Variants in DPYD observed in about 807,000 individuals in gnomAD.
DPYD encodes dihydropyrimidine dehydrogenase [NADP(+)].
In DPYD, 109 loss-of-function variants were observed where a neutral mutation model predicts 116.2. That is an observed-to-expected ratio of 0.94 (90% CI 0.80 to 1.10). DPYD has a LOEUF of 1.10. Ranked by LOEUF, DPYD falls within the 50% of genes least tolerant of loss-of-function variation. DPYD has a pLI of 0.00. For synonymous variants in DPYD, 440 were observed against 432.0 expected (o/e 1.02, Z -0.23); for missense variants, 1,302 against 1,254.5 (o/e 1.04, Z -0.57).
chr1:97,893,169 A>G (rs1672860208), intron 1 of DPYD, among the ~76,000 whole-genome samples: 1 of 151,524 alleles, frequency 6.6e-6, no homozygotes, highest in Non-Finnish European at 1.5e-5. Context: ...CATGGGAATC[A>G]TATTTTTAAG....
At chr1:97,882,682 C>T (rs542659844) in intron 2 of DPYD, among the ~76,000 whole-genome samples, 2 of 152,124 alleles carry the variant, frequency 1.3e-5, no homozygotes, top group South Asian at 4.1e-4. Context: ...ATAATCACCT[C>T]CTATATACAG....
chr1:97,648,064 A>G (rs1240793019), intron 8 of DPYD, among the ~76,000 whole-genome samples: 1 of 152,072 alleles, frequency 6.6e-6, no homozygotes, highest in Non-Finnish European at 1.5e-5. Flanking sequence ...CCTTGTAGTC[A>G]TAATAAGCCT....
At chr1:97,762,009 GTGGA>G (rs905748014) in intron 3 of DPYD, among the ~76,000 whole-genome samples, 2 of 152,132 alleles carry the variant, frequency 1.3e-5, no homozygotes, top group African/African-American at 4.8e-5. Context: ...CCACTTGAGG[GTGGA>G]CAGTGGGAGG....
At chr1:97,419,331 A>G (rs1277985319) in intron 14 of DPYD, among the ~76,000 whole-genome samples, 2 of 152,028 alleles carry the variant, frequency 1.3e-5, no homozygotes, top group Non-Finnish European at 2.9e-5. Flanking sequence ...CAACTCCTAT[A>G]CCACTCAAAA....
intron 21 of DPYD, among the ~76,000 whole-genome samples, chr1:97,097,784 G>A (rs1650372341): frequency 6.6e-6 from 1 of 152,048 alleles, no homozygotes; most frequent in Admixed American, 6.6e-5. Context: ...ACTTGAATAG[G>A]ATTGGTAGAT....
intron 20 of DPYD, among the ~76,000 whole-genome samples, chr1:97,100,179 A>G (rs1650560894): frequency 1.3e-5 from 2 of 152,092 alleles, no homozygotes; most frequent in African/African-American, 4.8e-5. Flanking sequence ...TGCTAAAAGC[A>G]TAAAATAAAT....
chr1:97,920,660 G>A (rs1674464392), intron 1 of DPYD, among the ~76,000 whole-genome samples: 1 of 152,188 alleles, frequency 6.6e-6, no homozygotes, highest in Non-Finnish European at 1.5e-5. Context: ...CGACGCAAAG[G>A]GCAACCCCTC....
intron 18 of DPYD, among the ~76,000 whole-genome samples, chr1:97,266,529 C>CT (rs1664236668): frequency 6.6e-6 from 1 of 151,994 alleles, no homozygotes; most frequent in Admixed American, 6.6e-5. Flanking sequence ...ATATTCATTT[C>CT]TTTTTTTATT....
intron 16 of DPYD, among the ~76,000 whole-genome samples, chr1:97,362,510 A>G (rs972338513): frequency 2.0e-5 from 3 of 152,194 alleles, no homozygotes; most frequent in Non-Finnish European, 4.4e-5. Context: ...TCCTAAGCAA[A>G]AAGAACAAAG....
intron 18 of DPYD, among the ~76,000 whole-genome samples, chr1:97,239,178 T>C (rs1662151208): frequency 1.3e-5 from 2 of 152,126 alleles, no homozygotes; most frequent in Non-Finnish European, 1.5e-5. Context: ...TTGTCTTAGA[T>C]AAACTACACA....
rs185725043 is a variant in DPYD at position 97,771,462 on chromosome 1, A to G, written c.234-30983T>C. On this transcript the variant is annotated intron_variant, in intron 3 of 22. Transcript: ENST00000370192. The stretch of plus-strand genomic sequence containing the variant: ...CATATATGTGCACAAAAAGACATGC[A>G]TACAGATTTATTTCAAATAAATGAA... Among the ~76,000 whole-genome samples, 6 of 152,352 alleles carry G rather than the reference A, an allele frequency of 3.9e-5. No individual in the cohort carries two copies. The East Asian group carries it at 7.7e-4, about 20-fold the overall frequency.
At chr1:97,400,378 G>A (rs2095686) in intron 14 of DPYD, among the ~76,000 whole-genome samples, 29,163 of 152,004 alleles carry the variant, frequency 0.19, 2,971 homozygotes, top group South Asian at 0.37. Context: ...TTTTTGCATC[G>A]ATGTTCATCA....
chr1:97,704,948 T>C (rs1254562127), intron 5 of DPYD, among the ~76,000 whole-genome samples: 3 of 152,042 alleles, frequency 2.0e-5, no homozygotes, highest in Non-Finnish European at 4.4e-5. Context: ...AATAATAAGG[T>C]GGCCAATATT....
intron 20 of DPYD, among the ~76,000 whole-genome samples, chr1:97,127,317 G>A (rs1043087066): frequency 2.0e-5 from 3 of 152,168 alleles, no homozygotes; most frequent in African/African-American, 7.2e-5. Flanking sequence ...ATGGTATGTT[G>A]AAAAGGGAGC....
intron 20 of DPYD, among the ~76,000 whole-genome samples, chr1:97,157,228 G>A (rs1342373666): frequency 6.6e-6 from 1 of 151,508 alleles, no homozygotes; most frequent in Admixed American, 6.6e-5. Flanking sequence ...TAACTAACCT[G>A]CACATTGTGC....
At chr1:97,100,875 T>C (rs1320034219) in intron 20 of DPYD, among the ~76,000 whole-genome samples, 1 of 152,100 alleles carries the variant, frequency 6.6e-6, no homozygotes, top group African/African-American at 2.4e-5. Flanking sequence ...ATATTTTCTG[T>C]CATTTTTTGC....
At chr1:97,768,358 C>T (rs1301827889) in intron 3 of DPYD, among the ~76,000 whole-genome samples, 1 of 152,110 alleles carries the variant, frequency 6.6e-6, no homozygotes, top group African/African-American at 2.4e-5. Context: ...CCTGAATGTG[C>T]CCTTGCCAGA....
chr1:97,124,392 T>C (rs1652675188), intron 20 of DPYD, among the ~76,000 whole-genome samples: 1 of 152,070 alleles, frequency 6.6e-6, no homozygotes, highest in African/African-American at 2.4e-5. Context: ...GCTTCAACAT[T>C]ATGACTTTAG....
intron 13 of DPYD, among the ~76,000 whole-genome samples, chr1:97,486,631 G>A (rs183671830): frequency 1.1e-4 from 17 of 152,162 alleles, no homozygotes; most frequent in Non-Finnish European, 1.8e-4. Context: ...TAAATAATGG[G>A]AAGGTATATC....
Sources: allele counts gnomAD v4.1 joint callset (sites outside exome capture counted in the v4.1 genomes callset), GRCh38; gene constraint gnomAD v4.1.1; transcripts MANE v1.5; gene names NCBI Gene and HGNC (gene_info 2026-07-23, HGNC 2026-07-21).